VRTN: variants seen among roughly 807,000 people sequenced by gnomAD.
VRTN encodes the protein vertebrae development associated.
VRTN carries 5 observed loss-of-function variants against 18.2 expected under a neutral mutation model. The observed-to-expected ratio is 0.27, with a 90% confidence interval of 0.14 to 0.58. VRTN has a LOEUF of 0.58. Ranked by LOEUF, VRTN falls within the 20% of genes least tolerant of loss-of-function variation. The pLI is 0.91. For missense variants in VRTN, 741 were observed against 939.4 expected (o/e 0.79, Z 2.76); for synonymous variants, 381 against 393.7 (o/e 0.97, Z 0.38).
In VRTN at chr14:74,357,694, A is replaced by G; in HGVS notation, c.911A>G (p.Gln304Arg). ...TTCTACCGCTGGCGGCGGCAGTCCC[A>G]GGAGCACCGGCAGAAGGTTGCTGCC... Reference protein sequence around the residue: ...STFYRWRRQSQEHRQKVAARF... With the variant: ...STFYRWRRQSREHRQKVAARF... The change falls in exon 2 of 2, where the codon CAG (glutamine) becomes CGG (arginine). Residue 304 changes from glutamine (Q) to arginine (R), a missense_variant. Gln to Arg is a conservative substitution (Grantham distance 43). Transcript: ENST00000256362. This position sits in a 1 kb window ranked among gnomAD's most constrained non-coding sequence, Gnocchi z 7.8. 2 of 1,613,594 alleles carry G rather than the reference A, an allele frequency of 1.2e-6. No individual in the cohort carries two copies. Among genetic ancestry groups the G allele is most frequent in the South Asian group, 2.2e-5 (2 of 91,078 alleles).
At position 74,337,524 on chromosome 14, in the gene VRTN, T is replaced by C. The variant is rs535553666; in HGVS notation, c.-163-199T>C. Reference sequence around the variant, plus strand: ...GGAAGAGCAGGGTGATTGGGAGACGTTGAGTTTGGCCTTGTGGTCTTGTTT... The same window carrying C: ...GGAAGAGCAGGGTGATTGGGAGACGCTGAGTTTGGCCTTGTGGTCTTGTTT... On this transcript the variant is annotated intron_variant, in intron 1 of 2. Coordinates refer to the VRTN transcript ENST00000557177. Among the ~76,000 whole-genome samples the C allele has an allele frequency of 2.0e-5, 3 of 152,228 alleles. No homozygotes were observed. The South Asian group carries it at 6.2e-4, about 32-fold the overall frequency.
chr14:74,349,708 T>C (rs1002185572), intron 1 of VRTN, among the ~76,000 whole-genome samples: 2 of 152,286 alleles, frequency 1.3e-5, no homozygotes, highest in East Asian at 3.9e-4. Context: ...AGGCCAGACC[T>C]GGGTTCTGAG....
chr14:74,349,838 G>A (rs964289405), intron 1 of VRTN, among the ~76,000 whole-genome samples: 1 of 152,188 alleles, frequency 6.6e-6, no homozygotes, highest in Non-Finnish European at 1.5e-5. Context: ...CTTTACTGGA[G>A]CTAAGATCCT....
intron 1 of VRTN, among the ~76,000 whole-genome samples, chr14:74,307,774 A>C (rs927831672): frequency 6.6e-6 from 1 of 151,954 alleles, no homozygotes; most frequent in Non-Finnish European, 1.5e-5. Flanking sequence ...TCTGTTGCCC[A>C]GGCTGGAGTG....
intron 1 of VRTN, among the ~76,000 whole-genome samples, chr14:74,333,909 T>C (rs570339957): frequency 2.0e-5 from 3 of 152,172 alleles, no homozygotes; most frequent in Non-Finnish European, 4.4e-5. Context: ...GTGTTCACTA[T>C]ATGTTCACTG....
At chr14:74,352,226 C>A (rs2085690797) in intron 1 of VRTN, among the ~76,000 whole-genome samples, 2 of 150,892 alleles carry the variant, frequency 1.3e-5, no homozygotes, top group South Asian at 4.2e-4. Flanking sequence ...GTCACCCAGG[C>A]TGGAGTGCGG....
intron 1 of VRTN, among the ~76,000 whole-genome samples, chr14:74,313,056 A>C (rs192536496): frequency 6.6e-6 from 1 of 152,288 alleles, no homozygotes; most frequent in East Asian, 1.9e-4. Flanking sequence ...TTGTTTTTTA[A>C]AATGTTACCT....
At chr14:74,324,162 G>A (rs1318670827) in intron 1 of VRTN, among the ~76,000 whole-genome samples, 2 of 152,014 alleles carry the variant, frequency 1.3e-5, no homozygotes, top group African/African-American at 4.8e-5. Context: ...GCCGAGGCAG[G>A]CGGATCATGA....
chr14:74,344,246 C>CAAAAAA (rs71115985), upstream of VRTN, among the ~76,000 whole-genome samples: 128 of 32,508 alleles, frequency 3.9e-3, 24 homozygotes, highest in East Asian at 0.091. Flanking sequence ...CTGCTTTCTA[C>CAAAAAA]AAAAAAAAAA....
upstream of VRTN, among the ~76,000 whole-genome samples, chr14:74,347,793 G>A (rs566783127): frequency 1.3e-5 from 2 of 152,342 alleles, no homozygotes; most frequent in Admixed American, 6.5e-5. Flanking sequence ...TTTCAGTGGG[G>A]CTCAGTAAGT....
Position 74,359,073 on chromosome 14 carries a change from C to A in VRTN, c.*181C>A. On this transcript the variant is annotated 3_prime_UTR_variant, in exon 2 of 2. Coordinates refer to ENST00000256362, the MANE Select transcript of VRTN (RefSeq NM_018228.3). ...AGGACAGAGAATGCCAGAAATCAGC[C>A]ATCTGGTCTCCCGTAGGAAACTGTG... 8.2e-7 allele frequency: 1 copy of A among 1,213,500 alleles called. No homozygotes were observed. The highest frequency in any genetic ancestry group is 1.1e-6 in the Non-Finnish European group (1 of 921,864). The allele number at this position is 1,213,500 out of a possible 1,614,324, so 75.2% of individuals were successfully genotyped here.
At chr14:74,324,891 A>G (rs373934114) in intron 1 of VRTN, among the ~76,000 whole-genome samples, 32 of 152,158 alleles carry the variant, frequency 2.1e-4, no homozygotes, top group Middle Eastern at 6.8e-3. Flanking sequence ...CATCTCAAAA[A>G]ACTAATAATA....
chr14:74,351,175 C>G (rs2085680665), intron 1 of VRTN, among the ~76,000 whole-genome samples: 1 of 152,124 alleles, frequency 6.6e-6, no homozygotes, highest in African/African-American at 2.4e-5. Flanking sequence ...CATTGTCTGC[C>G]AAAATGAAAA....
Position 74,355,480 on chromosome 14 carries a change from C to T in VRTN, c.-1-1303C>T, listed in dbSNP as rs138426856. Among the ~76,000 whole-genome samples, 45 of 152,036 alleles carry T rather than the reference C, an allele frequency of 3.0e-4. 2 individuals carry two copies. In the East Asian group the frequency reaches 7.9e-3, roughly 27 times the overall value. On this transcript the variant is annotated intron_variant, in intron 1 of 1. Transcript: ENST00000256362. ...ATTTGATTACACCCAGTATTGAAAA[C>T]GACATGTACTTAAGGATAACGGTTT...
At chr14:74,344,428 T>C (rs1384711077), upstream of VRTN, among the ~76,000 whole-genome samples, 4 of 81,012 alleles carry the variant, frequency 4.9e-5, no homozygotes, top group Non-Finnish European at 7.3e-5. Context: ...AAAAAAAAAG[T>C]GTTCACTGGA....
At chr14:74,353,833 C>A (rs1318935769) in intron 1 of VRTN, among the ~76,000 whole-genome samples, 1 of 152,160 alleles carries the variant, frequency 6.6e-6, no homozygotes, top group East Asian at 1.9e-4. Flanking sequence ...CGCCATTCTC[C>A]TGCCTCAGCC....
In VRTN at chr14:74,322,290, C is replaced by G. The variant is rs374661362; in HGVS notation, c.-163-15433C>G. On this transcript the variant is annotated intron_variant, in intron 1 of 2. Coordinates refer to the VRTN transcript ENST00000557177. Reference sequence around the variant, plus strand: ...TCAGCCTCTTGAGTAGCTGGGACCACAGGAGTGCACCATCAGGTCCAGCTA... The same window carrying G: ...TCAGCCTCTTGAGTAGCTGGGACCAGAGGAGTGCACCATCAGGTCCAGCTA... 7.0e-4 allele frequency among the ~76,000 whole-genome samples: 107 copies of G among 152,082 alleles called. 2 individuals are homozygous for G. In the South Asian group the frequency reaches 0.022, roughly 31 times the overall value.
intron 1 of VRTN, among the ~76,000 whole-genome samples, chr14:74,318,419 C>T (rs1041503623): frequency 6.6e-6 from 1 of 151,692 alleles, no homozygotes; most frequent in Non-Finnish European, 1.5e-5. Flanking sequence ...TACAAGCATG[C>T]GCCACCACGC....
chr14:74,326,669 CCT>C (rs1229902844), intron 1 of VRTN, among the ~76,000 whole-genome samples: 1 of 152,080 alleles, frequency 6.6e-6, no homozygotes, highest in African/African-American at 2.4e-5. Flanking sequence ...CAAAAGGCGC[CCT>C]GAGTCTGGGG....
Sources: gnomAD v4.1 joint callset for allele counts (sites outside exome capture counted in the v4.1 genomes callset) on GRCh38, gnomAD v4.1.1 for gene constraint, Gnocchi (gnomAD v3.1) non-coding constraint, MANE v1.5 for transcripts, NCBI Gene and HGNC (gene_info 2026-07-23, HGNC 2026-07-21) for gene names.